The following NPSR1 variants were observed in gnomAD, a reference collection of about 807,000 sequenced individuals.
NPSR1 encodes the protein neuropeptide S receptor 1, also known as neuropeptide S receptor.
NPSR1 carries 48 observed loss-of-function variants against 46.9 expected under a neutral mutation model. The ratio of observed to expected loss-of-function variants is 1.02; its 90% CI spans 0.81 to 1.30. The LOEUF is 1.30. NPSR1 is among the 50% of genes most tolerant of loss of function. NPSR1 has a pLI of 0.00. For synonymous variants in NPSR1, 176 were observed against 168.1 expected (o/e 1.05, Z -0.36); for missense variants, 450 against 449.5 (o/e 1.00, Z -0.01).
chr7:34,714,524 A>T (rs1278717577), intron 2 of NPSR1, among the ~76,000 whole-genome samples: 2 of 152,106 alleles, frequency 1.3e-5, no homozygotes, highest in Non-Finnish European at 2.9e-5. Flanking sequence ...TGACCGTAAA[A>T]CTCTCCTGTA....
chr7:34,826,887 CAAAAAAA>C (rs58951477), intron 4 of NPSR1, among the ~76,000 whole-genome samples: 3 of 140,816 alleles, frequency 2.1e-5, no homozygotes, highest in Admixed American at 2.1e-4. Flanking sequence ...ATGTTCCTAC[CAAAAAAA>C]AAAAAAAAGA....
chr7:34,832,906 T>C (rs1790184747), intron 5 of NPSR1, among the ~76,000 whole-genome samples: 1 of 152,168 alleles, frequency 6.6e-6, no homozygotes, highest in Non-Finnish European at 1.5e-5. Context: ...CAACTTAGGG[T>C]TGAACTCACT....
At chr7:34,711,128 C>T (rs1386866628) in intron 2 of NPSR1, 5 of 299,226 alleles carry the variant, frequency 1.7e-5, no homozygotes, top group African/African-American at 1.1e-4. Flanking sequence ...CTTTGTTAAG[C>T]TCAACAAGCT....
chr7:34,791,255 ATAT>A (rs988728351), intron 3 of NPSR1, among the ~76,000 whole-genome samples: 6 of 127,302 alleles, frequency 4.7e-5, no homozygotes, highest in Non-Finnish European at 8.1e-5. Context: ...TATATGTTAT[ATAT>A]TATATGTTAT....
At chr7:34,743,041 C>T (rs1785029124) in intron 2 of NPSR1, among the ~76,000 whole-genome samples, 1 of 152,134 alleles carries the variant, frequency 6.6e-6, no homozygotes, top group African/African-American at 2.4e-5. Context: ...CTTATAAGTG[C>T]TAGATATTAA....
intron 3 of NPSR1, among the ~76,000 whole-genome samples, chr7:34,787,560 G>T (rs568717886): frequency 6.6e-6 from 1 of 152,006 alleles, no homozygotes; most frequent in Non-Finnish European, 1.5e-5. Flanking sequence ...GGTCTATCTT[G>T]GTTTCTGACA....
chr7:34,812,955 C>T lies in NPSR1; in HGVS notation c.478+1092C>T, dbSNP rs935704008. ...AGAATTTTAGGATAAATATAATTAA[C>T]GTCATCAAGGATCTACAAGAAGTGG... On this transcript the variant is annotated intron_variant, in intron 4 of 8. Coordinates refer to ENST00000360581, the MANE Select transcript of NPSR1 (RefSeq NM_207172.2). Among the ~76,000 whole-genome samples the T allele has an allele frequency of 6.6e-5, 10 of 152,254 alleles. No homozygotes were observed. The South Asian group carries it at 1.0e-3, about 16-fold the overall frequency.
downstream of NPSR1, among the ~76,000 whole-genome samples, chr7:34,852,326 A>G (rs1584144732): frequency 6.6e-6 from 1 of 152,120 alleles, no homozygotes; most frequent in East Asian, 1.9e-4. Flanking sequence ...AGAGAAAGAG[A>G]GAGAGAGAGG....
downstream of NPSR1, among the ~76,000 whole-genome samples, chr7:34,852,873 G>T (rs150729167): frequency 2.3e-4 from 35 of 152,280 alleles, no homozygotes; most frequent in African/African-American, 7.7e-4. Context: ...GAGTAGGTGT[G>T]CTTACTATAT....
chr7:34,683,792 C>G (rs2531833), intron 1 of NPSR1, among the ~76,000 whole-genome samples: 47,204 of 151,976 alleles, frequency 0.31, 8,979 homozygotes, highest in African/African-American at 0.55. Flanking sequence ...CATGAGGGCA[C>G]AGCCTTCATG....
intron 2 of NPSR1, among the ~76,000 whole-genome samples, chr7:34,745,362 C>A (rs1785150421): frequency 6.6e-6 from 1 of 152,096 alleles, no homozygotes. Context: ...TTGGTTCCAA[C>A]CTTATAATCA....
chr7:34,723,959 A>G (rs1784003286), intron 2 of NPSR1, among the ~76,000 whole-genome samples: 1 of 152,246 alleles, frequency 6.6e-6, no homozygotes, highest in African/African-American at 2.4e-5. Flanking sequence ...ATTTCTACAG[A>G]GGTCAGAGAG....
Position 34,838,917 on chromosome 7 carries a change from G to A in NPSR1, c.757+4457G>A, listed in dbSNP as rs189014750. Among the ~76,000 whole-genome samples the A allele has an allele frequency of 3.0e-4, 45 of 152,200 alleles. No homozygotes were observed. The Middle Eastern group carries it at 0.01, about 35-fold the overall frequency. On this transcript the variant is annotated intron_variant, in intron 6 of 8. Transcript: ENST00000360581. The stretch of plus-strand genomic sequence containing the variant: ...TACCCATGGAACAGACAAATTTCTC[G>A]TTATAACTATGTCTAGCTATCATGG...
chr7:34,659,729 G>A (rs1287532557), intron 1 of NPSR1, among the ~76,000 whole-genome samples: 2 of 152,158 alleles, frequency 1.3e-5, no homozygotes, highest in Non-Finnish European at 2.9e-5. Context: ...CAGCTGCACA[G>A]CTCCACGATG....
At chr7:34,681,855 T>C (rs137993788) in intron 1 of NPSR1, among the ~76,000 whole-genome samples, 10 of 152,118 alleles carry the variant, frequency 6.6e-5, no homozygotes, top group East Asian at 1.9e-4. Flanking sequence ...CCTTTAGGGA[T>C]TGATATAGAC....
intron 3 of NPSR1, among the ~76,000 whole-genome samples, chr7:34,808,078 C>A (rs1218873508): frequency 6.6e-6 from 1 of 152,152 alleles, no homozygotes; most frequent in African/African-American, 2.4e-5. Flanking sequence ...GAGTGTGACA[C>A]ACAGACAGAA....
chr7:34,848,847 A>G (rs1306214278), intron 8 of NPSR1, among the ~76,000 whole-genome samples, 184 bp downstream of exon 8: 1 of 152,244 alleles, frequency 6.6e-6, no homozygotes, highest in Non-Finnish European at 1.5e-5. Flanking sequence ...CCCAGGCCAC[A>G]GCTGATGTGC....
chr7:34,747,950 C>T (rs1414284528), intron 2 of NPSR1, among the ~76,000 whole-genome samples: 1 of 152,158 alleles, frequency 6.6e-6, no homozygotes, highest in Non-Finnish European at 1.5e-5. Context: ...TATATGGGGA[C>T]CGTATCACAA....
At chr7:34,786,401 G>A (rs1039758925) in intron 3 of NPSR1, among the ~76,000 whole-genome samples, 3 of 151,960 alleles carry the variant, frequency 2.0e-5, no homozygotes, top group African/African-American at 4.8e-5. Flanking sequence ...CACCACTTTC[G>A]CAGTACCTTT....
Sources: allele counts gnomAD v4.1 joint callset (sites outside exome capture counted in the v4.1 genomes callset), GRCh38; gene constraint gnomAD v4.1.1; transcripts MANE v1.5; gene names NCBI Gene and HGNC (gene_info 2026-07-23, HGNC 2026-07-21).